Variants in PDE4D observed in about 807,000 individuals in gnomAD.
PDE4D encodes phosphodiesterase 4D, also known as 3',5'-cyclic-AMP phosphodiesterase 4D.
In PDE4D, 24 loss-of-function variants were observed where a neutral mutation model predicts 87.4. The observed-to-expected ratio is 0.27, with a 90% CI of 0.20 to 0.39. The LOEUF (loss-of-function observed/expected upper bound fraction) is 0.39, where lower values mean the gene tolerates loss of function less well. Among genes scored for constraint, PDE4D ranks in the 10% least tolerant of loss-of-function variants. The pLI is 1.00. For missense variants in PDE4D, 714 were observed against 1,041.0 expected (o/e 0.69, Z 4.32); for synonymous variants, 384 against 383.2 (o/e 1.00, Z -0.02).
chr5:59,941,147 G>A (rs551295250), intron 3 of PDE4D, among the ~76,000 whole-genome samples: 2 of 152,234 alleles, frequency 1.3e-5, no homozygotes, highest in South Asian at 4.1e-4. Flanking sequence ...AGTCAGGTGA[G>A]TTAATTTCCC....
chr5:59,989,102 A>ATATG (rs1762744501), intron 2 of PDE4D, among the ~76,000 whole-genome samples: 1 of 94,904 alleles, frequency 1.1e-5, no homozygotes. Context: ...ATATATATAT[A>ATATG]TATATATATA....
At chr5:59,142,574 TCACACAAAGGGTGGAAAC>T (rs533319528) in intron 5 of PDE4D, among the ~76,000 whole-genome samples, 24 of 152,240 alleles carry the variant, frequency 1.6e-4, no homozygotes, top group Non-Finnish European at 3.4e-4. Context: ...CTTTTTGAAA[TCACACAAAGGGTGGAAAC>T]CACACAAAAG....
intron 5 of PDE4D, among the ~76,000 whole-genome samples, chr5:59,116,271 T>C (rs1398611007): frequency 6.6e-6 from 1 of 152,134 alleles, no homozygotes; most frequent in African/African-American, 2.4e-5. Flanking sequence ...CAAGAAGGAA[T>C]GATTTCCAGG....
chr5:60,431,471 G>A (rs1283713222), intron 1 of PDE4D, among the ~76,000 whole-genome samples: 2 of 150,872 alleles, frequency 1.3e-5, no homozygotes, highest in African/African-American at 4.9e-5. Context: ...CATCTCAGAC[G>A]ATGGGCGGCC....
At position 59,934,395 on chromosome 5, in the gene PDE4D, G is replaced by A. The variant is rs1324810611; in HGVS notation, c.272+54093C>T. Among the ~76,000 whole-genome samples the A allele has an allele frequency of 5.3e-5, 8 of 152,258 alleles. No homozygotes were observed. The East Asian group carries it at 1.5e-3, about 29-fold the overall frequency. On this transcript the variant is annotated intron_variant, in intron 3 of 16. Coordinates refer to the PDE4D transcript ENST00000502484. ...TGTGTCCATGGACAGACTTGGTCAG[G>A]GAGTGTCTGATACATGTCTAAGGGC...
intron 3 of PDE4D, among the ~76,000 whole-genome samples, chr5:59,979,023 A>G (rs148839656): frequency 1.1e-4 from 17 of 152,292 alleles, no homozygotes; most frequent in African/African-American, 4.1e-4. Flanking sequence ...TTTTATATGC[A>G]CTGGAAAGCC....
At chr5:60,472,136 AAC>A (rs1467215594) in intron 1 of PDE4D, among the ~76,000 whole-genome samples, 2 of 152,178 alleles carry the variant, frequency 1.3e-5, no homozygotes, top group Non-Finnish European at 2.9e-5. Flanking sequence ...TGATTCAGCA[AAC>A]ACATACAGTG....
intron 1 of PDE4D, among the ~76,000 whole-genome samples, chr5:59,493,108 G>T (rs80354972): frequency 2.0e-5 from 3 of 151,932 alleles, no homozygotes; most frequent in Admixed American, 6.6e-5. Context: ...ACTTTTAAAG[G>T]CTTAAAAAAA....
intron 6 of PDE4D, among the ~76,000 whole-genome samples, chr5:59,004,811 C>T (rs1055185544): frequency 1.3e-5 from 2 of 152,212 alleles, no homozygotes; most frequent in African/African-American, 2.4e-5. Context: ...TCTAGCCTCC[C>T]TGGCCTCTGC....
chr5:59,016,347 C>A (rs1000162760), intron 6 of PDE4D, among the ~76,000 whole-genome samples: 6 of 134,414 alleles, frequency 4.5e-5, no homozygotes, highest in Non-Finnish European at 9.9e-5. Flanking sequence ...TGTTTCATAT[C>A]ACAGTTTTTT....
chr5:60,285,791 C>T (rs1214997538), intron 1 of PDE4D, among the ~76,000 whole-genome samples: 1 of 152,212 alleles, frequency 6.6e-6, no homozygotes, highest in African/African-American at 2.4e-5. Context: ...ATAAAATGAC[C>T]TTGAGAATTC....
intron 1 of PDE4D, among the ~76,000 whole-genome samples, chr5:60,344,767 A>G (rs1330882780): frequency 6.6e-6 from 1 of 152,158 alleles, no homozygotes; most frequent in African/African-American, 2.4e-5. Context: ...TTTTTAGAAA[A>G]ACACTCATCT....
At chr5:60,211,521 T>G (rs1171373244) in intron 1 of PDE4D, among the ~76,000 whole-genome samples, 1 of 149,334 alleles carries the variant, frequency 6.7e-6, no homozygotes, top group Non-Finnish European at 1.5e-5. Context: ...GTATAATGTA[T>G]ATATACAAAT....
At chr5:60,011,377 C>A (rs976126577) in intron 2 of PDE4D, among the ~76,000 whole-genome samples, 1 of 152,068 alleles carries the variant, frequency 6.6e-6, no homozygotes. Flanking sequence ...AGTTTGCTGA[C>A]ACCTGTCCTA....
At chr5:59,625,517 G>A (rs944626783) in intron 1 of PDE4D, among the ~76,000 whole-genome samples, 4 of 150,742 alleles carry the variant, frequency 2.7e-5, no homozygotes, top group African/African-American at 9.8e-5. Flanking sequence ...AAAAAAAAAA[G>A]GATATTGTTT....
At chr5:59,538,298 G>C (rs17797781) in intron 1 of PDE4D, among the ~76,000 whole-genome samples, 30,551 of 152,074 alleles carry the variant, frequency 0.2, 3,617 homozygotes, top group Non-Finnish European at 0.27. Flanking sequence ...TGAGAATAAA[G>C]AGGCCTAAGG....
At chr5:60,180,034 T>C (rs1784253897) in intron 2 of PDE4D, among the ~76,000 whole-genome samples, 1 of 152,218 alleles carries the variant, frequency 6.6e-6, no homozygotes, top group Non-Finnish European at 1.5e-5. Flanking sequence ...ATATATGCAA[T>C]TATTTCTTGG....
intron 1 of PDE4D, among the ~76,000 whole-genome samples, chr5:59,610,183 C>T (rs1828803813): frequency 6.6e-6 from 1 of 152,152 alleles, no homozygotes; most frequent in Non-Finnish European, 1.5e-5. Context: ...TGGGCAGATC[C>T]ATGCAGGGGC....
rs1417627579 is a variant in PDE4D at position 59,039,544 on chromosome 5, G to A, written c.809-573C>T. The A allele has an allele frequency of 1.6e-5, 16 of 984,542 alleles. No homozygotes were observed. The Admixed American group carries it at 2.5e-4, about 15-fold the overall frequency. 61.0% of individuals were successfully genotyped at this position (984,542 alleles called of 1,614,324 possible). The stretch of plus-strand genomic sequence containing the variant: ...TGTTTTCTTTCTCAACTCCTCGGGC[G>A]GCAGGCGCAGCGCGGCTCCAACGCC... On this transcript the variant is annotated intron_variant, in intron 5 of 14. Coordinates refer to ENST00000340635, the MANE Select transcript of PDE4D (RefSeq NM_001104631.2).
Sources: gnomAD v4.1 joint callset for allele counts (sites outside exome capture counted in the v4.1 genomes callset) on GRCh38, gnomAD v4.1.1 for gene constraint, MANE v1.5 for transcripts, NCBI Gene and HGNC (gene_info 2026-07-23, HGNC 2026-07-21) for gene names.